Variants in KIF26B observed in about 807,000 individuals in gnomAD.
KIF26B encodes kinesin-like protein KIF26B.
Under a neutral mutation model 151.2 loss-of-function variants are expected in KIF26B, and 63 were observed. The observed-to-expected ratio is 0.42, with a 90% CI of 0.34 to 0.51. KIF26B has a LOEUF of 0.51. Ranked by LOEUF, KIF26B falls within the 20% of genes least tolerant of loss-of-function variation. The pLI, the probability that KIF26B is intolerant of heterozygous loss-of-function variation, is 0.07. For synonymous variants in KIF26B, 1,357 were observed against 1,262.1 expected (o/e 1.08, Z -1.59); for missense variants, 2,813 against 2,913.6 (o/e 0.97, Z 0.79).
chr1:245,155,560 T>C (rs922421397), intron 1 of KIF26B, 73 bp downstream of exon 1: 4 of 1,355,910 alleles, frequency 3.0e-6, no homozygotes, highest in African/African-American at 2.9e-5. Flanking sequence ...TTCCCCGGGA[T>C]CGTGCGGCCC....
intron 4 of KIF26B, among the ~76,000 whole-genome samples, chr1:245,499,137 C>T (rs1276352219): frequency 6.6e-6 from 1 of 152,040 alleles, no homozygotes; most frequent in African/African-American, 2.4e-5. Context: ...CTCATGTTAC[C>T]TTCGCCCAAA....
intron 9 of KIF26B, among the ~76,000 whole-genome samples, chr1:245,614,515 C>T (rs2043563890): frequency 6.6e-6 from 1 of 152,236 alleles, no homozygotes; most frequent in South Asian, 2.1e-4. Flanking sequence ...GGTTCCTACC[C>T]TACCACCAGG....
At chr1:245,690,817 T>C (rs1352582625) in intron 12 of KIF26B, among the ~76,000 whole-genome samples, 2 of 152,162 alleles carry the variant, frequency 1.3e-5, no homozygotes, top group East Asian at 3.9e-4. Context: ...TGACAGCACT[T>C]GGAGCAGAAC....
intron 2 of KIF26B, among the ~76,000 whole-genome samples, chr1:245,169,305 C>G (rs914994610): frequency 7.3e-6 from 1 of 137,350 alleles, no homozygotes; most frequent in Non-Finnish European, 1.6e-5. Context: ...TTTGTCCATG[C>G]ACTCGACTTT....
intron 2 of KIF26B, among the ~76,000 whole-genome samples, chr1:245,299,401 G>C (rs115038512): frequency 6.9e-6 from 1 of 144,552 alleles, no homozygotes; most frequent in South Asian, 2.2e-4. Flanking sequence ...TTCTGATGTC[G>C]TGCCAGCTTT....
chr1:245,574,400 T>A (rs2043095847), intron 5 of KIF26B, among the ~76,000 whole-genome samples: 1 of 152,170 alleles, frequency 6.6e-6, no homozygotes, highest in Non-Finnish European at 1.5e-5. Flanking sequence ...CGCCTCGACC[T>A]CCCAAAGTGC....
chr1:245,266,950 G>A (rs1166871512), intron 2 of KIF26B, among the ~76,000 whole-genome samples: 4 of 152,164 alleles, frequency 2.6e-5, no homozygotes, highest in African/African-American at 9.7e-5. Flanking sequence ...TTATTAACAT[G>A]TGACTGAAGG....
At chr1:245,596,641 T>C (rs2043338369) in intron 5 of KIF26B, among the ~76,000 whole-genome samples, 1 of 152,232 alleles carries the variant, frequency 6.6e-6, no homozygotes, top group South Asian at 2.1e-4. Flanking sequence ...GTTCTGTAGA[T>C]GTCTTTTAGG....
intron 5 of KIF26B, among the ~76,000 whole-genome samples, chr1:245,544,553 C>CT (rs1661695817): frequency 6.6e-6 from 1 of 152,178 alleles, no homozygotes; most frequent in Non-Finnish European, 1.5e-5. Context: ...GACAAGAAAA[C>CT]TGAGGCCCAG....
At chr1:245,177,388 C>G (rs573068180) in intron 2 of KIF26B, among the ~76,000 whole-genome samples, 4 of 152,110 alleles carry the variant, frequency 2.6e-5, no homozygotes, top group Admixed American at 2.6e-4. Flanking sequence ...AAGAGGAAAC[C>G]CTATTTAGAG....
At position 245,355,289 on chromosome 1, in the gene KIF26B, G is replaced by A. The variant is rs192569244; in HGVS notation, c.466-11545G>A. On this transcript the variant is annotated intron_variant, in intron 2 of 14. Transcript: ENST00000407071. Reference sequence around the variant, plus strand: ...TCTGTACAGTGTATGATGTCTAGCTGCATCCCTGGCCTCTACTCACTAGAC... The same window carrying A: ...TCTGTACAGTGTATGATGTCTAGCTACATCCCTGGCCTCTACTCACTAGAC... Among the ~76,000 whole-genome samples the A allele has an allele frequency of 2.6e-4, 39 of 152,260 alleles. 1 individual carries two copies. Among genetic ancestry groups the A allele is most frequent in the Admixed American group, 2.2e-3 (34 of 15,274 alleles).
rs1671816041 is a variant in KIF26B, at chr1:245,318,186, CA to C, written c.466-48645del. Among the ~76,000 whole-genome samples, 1 of 152,120 alleles carries C rather than the reference CA, an allele frequency of 6.6e-6. No homozygotes were observed. The highest frequency in any genetic ancestry group is 1.5e-5 in the Non-Finnish European group (1 of 68,016). ...AGTATATTAGGTTTTAATTCTGGGT[CA>C]AATCAGCAAATGTTTATTAAGTACA... On this transcript the variant is annotated intron_variant, in intron 2 of 14. Transcript: ENST00000407071. The surrounding 1 kb of genome is among the most constrained non-coding windows in gnomAD (Gnocchi z 4.0).
chr1:245,508,805 G>T (rs1660775040), intron 4 of KIF26B, among the ~76,000 whole-genome samples: 1 of 152,152 alleles, frequency 6.6e-6, no homozygotes, highest in Non-Finnish European at 1.5e-5. Flanking sequence ...AACCACATCT[G>T]CAATGCTGCA....
chr1:245,630,624 C>G (rs1176875352), intron 9 of KIF26B, among the ~76,000 whole-genome samples: 1 of 152,114 alleles, frequency 6.6e-6, no homozygotes, highest in Non-Finnish European at 1.5e-5. Flanking sequence ...GGACAAATAC[C>G]TAATGCATGT....
intron 4 of KIF26B, among the ~76,000 whole-genome samples, chr1:245,457,809 G>T (rs558243786): frequency 1.1e-4 from 16 of 152,150 alleles, no homozygotes; most frequent in Non-Finnish European, 1.6e-4. Context: ...ACTCTCTCAT[G>T]TATGGTCATT....
At chr1:245,578,961 G>T (rs1157139480) in intron 5 of KIF26B, among the ~76,000 whole-genome samples, 1 of 152,188 alleles carries the variant, frequency 6.6e-6, no homozygotes, top group Non-Finnish European at 1.5e-5. Context: ...CAGAGTTAAT[G>T]AACTGAGAGA....
chr1:245,486,417 A>G lies in KIF26B; in HGVS notation c.1167-54350A>G, dbSNP rs1391162029. On this transcript the variant is annotated intron_variant, in intron 4 of 14. Coordinates refer to ENST00000407071, the MANE Select transcript of KIF26B (RefSeq NM_018012.4). ...GAGGAAAAAAAAAAGAGAGGAGACCATCACATATAGTGCTATATAAATGGT... is the reference window on the plus strand; with the variant it reads ...GAGGAAAAAAAAAAGAGAGGAGACCGTCACATATAGTGCTATATAAATGGT... Among the ~76,000 whole-genome samples the G allele has an allele frequency of 3.3e-5, 5 of 152,202 alleles. No homozygotes were observed. In the South Asian group the frequency reaches 8.3e-4, roughly 25 times the overall value.
chr1:245,248,501 C>T (rs968446556), intron 2 of KIF26B, among the ~76,000 whole-genome samples: 1 of 152,210 alleles, frequency 6.6e-6, no homozygotes, highest in African/African-American at 2.4e-5. Context: ...TGGGAACAAT[C>T]CTCACCAAAT....
At chr1:245,203,255 A>AAAAAAGAAG (rs61541280) in intron 2 of KIF26B, among the ~76,000 whole-genome samples, 1 of 129,746 alleles carries the variant, frequency 7.7e-6, no homozygotes, top group East Asian at 2.2e-4. Flanking sequence ...TCAAAAAAAA[A>AAAAAAGAAG]AAAAGAAAAT....
Sources: allele counts gnomAD v4.1 joint callset (sites outside exome capture counted in the v4.1 genomes callset), GRCh38; gene constraint gnomAD v4.1.1; non-coding constraint Gnocchi (gnomAD v3.1); transcripts MANE v1.5; gene names NCBI Gene and HGNC (gene_info 2026-07-23, HGNC 2026-07-21).